Variants in CMYA5 observed in about 807,000 individuals in gnomAD.
The protein encoded by CMYA5 is cardiomyopathy-associated protein 5.
Under a neutral mutation model 318.9 loss-of-function variants are expected in CMYA5, and 246 were observed. The observed-to-expected ratio is 0.77, with a 90% CI of 0.70 to 0.86. The LOEUF is 0.86. CMYA5 is among the 40% of genes least tolerant of loss of function. The pLI is 0.00. For synonymous variants in CMYA5, 1,641 were observed against 1,729.5 expected, an observed-to-expected ratio of 0.95 and a Z score of 1.27; for missense variants, 4,589 against 4,678.2, an observed-to-expected ratio of 0.98 and a Z score of 0.56.
chr5:79,761,962 G>T lies in CMYA5; in HGVS notation c.11407+5G>T. 3.7e-6 allele frequency: 6 copies of T among 1,611,228 alleles called. No homozygotes were observed. The highest frequency in any genetic ancestry group is 5.1e-6 in the Non-Finnish European group (6 of 1,178,894). ...AAAGGGCCATCTTTAGGACAGGTAA[G>T]GAGATGGATGCTAAGGGTGCATTAG... On this transcript the variant is annotated splice_donor_5th_base_variant and intron_variant, in intron 8 of 12. Coordinates refer to ENST00000446378, the MANE Select transcript of CMYA5 (RefSeq NM_153610.5).
chr5:79,775,718 T>G (rs1828927151), intron 9 of CMYA5, among the ~76,000 whole-genome samples: 1 of 152,170 alleles, frequency 6.6e-6, no homozygotes, highest in Admixed American at 6.5e-5. Flanking sequence ...TAAGAGCAGT[T>G]TTACAAAAGC....
chr5:79,737,554 C>T lies in CMYA5; in HGVS notation c.8789C>T (p.Thr2930Ile), dbSNP rs762002729. The T allele has an allele frequency of 1.2e-6, 2 of 1,613,642 alleles. No individual in the cohort carries two copies. Among genetic ancestry groups the T allele is most frequent in the South Asian group, 1.1e-5 (1 of 91,020 alleles). The part of the protein sequence containing the change: ...TYAKGEDFTV[T>I]SKPAGLSEDQ... ...GCAAAAGGTGAAGACTTTACAGTGACTAGTAAGCCAGCCGGACTTTCAGAA... is the reference window on the plus strand; with the variant it reads ...GCAAAAGGTGAAGACTTTACAGTGATTAGTAAGCCAGCCGGACTTTCAGAA... The change falls in exon 2 of 13, where the codon ACT becomes ATT. Residue 2930 changes from threonine (T) to isoleucine (I), a missense_variant. Physicochemically the swap from Thr to Ile is moderately conservative, Grantham distance 89. Around this residue, in one of 3 missense-constraint regions of CMYA5, gnomAD observed 2,431 missense variants for 2,495.1 expected, o/e 0.97. Transcript: ENST00000446378.
intron 1 of CMYA5, among the ~76,000 whole-genome samples, chr5:79,722,701 T>C (rs1364577839): frequency 6.9e-6 from 1 of 145,610 alleles, no homozygotes; most frequent in Non-Finnish European, 1.5e-5. Flanking sequence ...AAAAAAAATC[T>C]ATCTGAAAAA....
chr5:79,768,864 T>C (rs1407433925), intron 9 of CMYA5, among the ~76,000 whole-genome samples: 1 of 152,326 alleles, frequency 6.6e-6, no homozygotes, highest in East Asian at 1.9e-4. Flanking sequence ...GGGGAAGTTC[T>C]CCTGGATAAT....
chr5:79,789,242 G>A, intron 10 of CMYA5, 138 bp downstream of exon 10: 1 of 956,546 alleles, frequency 1.0e-6, no homozygotes, highest in Non-Finnish European at 1.5e-6. Context: ...GAGGACCCAA[G>A]GTTGGTCAAA....
intron 9 of CMYA5, among the ~76,000 whole-genome samples, chr5:79,771,288 T>C (rs1278878867): frequency 2.0e-5 from 3 of 152,172 alleles, no homozygotes; most frequent in African/African-American, 7.2e-5. Flanking sequence ...TTACGTCACT[T>C]AGGGGAGTCC....
chr5:79,733,295 A>T lies in CMYA5; in HGVS notation c.4530A>T (p.Ser1510=). Residue 1510 remains serine, a synonymous_variant, in exon 2 of 13, where the codon TCA becomes TCT. Transcript: ENST00000446378. ...TCTGTGACTCTGAACGTTTGGTTTC[A>T]TCACAGAAGAAGAGCTTGATGTCTA... is the stretch of plus-strand genomic sequence containing the variant. ...STVCDSERLV[S]SQKKSLMSTS... The T allele has an allele frequency of 1.9e-6, 3 of 1,613,750 alleles. No homozygotes were observed. The highest frequency in any genetic ancestry group is 2.5e-6 in the Non-Finnish European group (3 of 1,179,826).
At chr5:79,693,908 G>A (rs1827019352) in intron 1 of CMYA5, among the ~76,000 whole-genome samples, 1 of 152,170 alleles carries the variant, frequency 6.6e-6, no homozygotes, top group Admixed American at 6.5e-5. Context: ...AGGATAAATG[G>A]GTGGGGTATA....
chr5:79,771,212 G>A (rs1038778474), intron 9 of CMYA5, among the ~76,000 whole-genome samples: 21 of 152,144 alleles, frequency 1.4e-4, no homozygotes, highest in East Asian at 1.9e-4. Flanking sequence ...TACTCAGCTC[G>A]TATTAGCAGT....
intron 9 of CMYA5, among the ~76,000 whole-genome samples, chr5:79,770,529 T>G (rs963536221): frequency 4.6e-5 from 7 of 152,174 alleles, no homozygotes; most frequent in Non-Finnish European, 8.8e-5. Context: ...TGGCTTCCCT[T>G]GGCTAAGGCA....
chr5:79,731,490 G>A lies in CMYA5; in HGVS notation c.2725G>A (p.Ala909Thr), dbSNP rs778450517. The change falls in exon 2 of 13, where the codon GCA becomes ACA. Residue 909 changes from alanine (A) to threonine (T), a missense_variant. This residue lies in a region of CMYA5 where 2,132 missense variants were observed against 2,131.3 expected (regional missense o/e 1.00). Transcript: ENST00000446378. ...TTCTGAATTTTCAGTACCACCATAT[G>A]CAACACCGGAGGCACAGGAGGAAGA... is the stretch of plus-strand genomic sequence containing the variant. ...SASEFSVPPYATPEAQEEEIV... is the reference protein window; with the variant it reads ...SASEFSVPPYTTPEAQEEEIV... 6.2e-7 allele frequency: 1 copy of A among 1,606,790 alleles called. No individual in the cohort carries two copies.
chr5:79,747,722 C>T (rs994789729), intron 5 of CMYA5, among the ~76,000 whole-genome samples: 13 of 152,216 alleles, frequency 8.5e-5, no homozygotes, highest in Non-Finnish European at 2.9e-5. Context: ...TTATGTTTAT[C>T]TTTCAGAGCA....
rs774123917 is a variant in CMYA5, at chr5:79,763,202, G to A, written c.11548G>A (p.Gly3850Ser). 5 of 1,602,248 alleles carry A rather than the reference G, an allele frequency of 3.1e-6. No homozygotes were observed. The highest frequency in any genetic ancestry group is 3.4e-6 in the Non-Finnish European group (4 of 1,175,484). ...CAGACAGCACTCTCCTGAGGGAGAG[G>A]GCCTCAGGTGAGGGGCCCTCTCCAT... The part of the protein sequence containing the change: ...YCRQHSPEGE[G>S]LRSFSGIKGL... The change falls in exon 9 of 13, where the codon GGC becomes AGC. Residue 3850 changes from glycine to serine, a missense_variant. By Grantham distance (56) the Gly-to-Ser change is moderately conservative. Around this residue, in one of 3 missense-constraint regions of CMYA5, gnomAD observed 2,431 missense variants for 2,495.1 expected, o/e 0.97. Coordinates refer to ENST00000446378, the MANE Select transcript of CMYA5 (RefSeq NM_153610.5).
At chr5:79,761,704 A>C (rs1299776412) in intron 7 of CMYA5, 107 bp from the exon 8 acceptor site, 1 of 1,179,274 alleles carries the variant, frequency 8.5e-7, no homozygotes, top group East Asian at 2.6e-5. Flanking sequence ...TAAGGTTATC[A>C]GTTTGCATTT....
chr5:79,762,770 CTT>C (rs1828676869), intron 8 of CMYA5: 1 of 309,878 alleles, frequency 3.2e-6, no homozygotes, highest in East Asian at 5.8e-5. Context: ...GGGAAAGAAT[CTT>C]TATTTTGATT....
At chr5:79,739,875 TG>T (rs1215224770) in intron 2 of CMYA5, among the ~76,000 whole-genome samples, 1 of 151,812 alleles carries the variant, frequency 6.6e-6, no homozygotes, top group Admixed American at 6.6e-5. Context: ...TTAAGTTACT[TG>T]GGGGGCTGAG....
intron 7 of CMYA5, 120 bp downstream of exon 7, chr5:79,759,022 C>G (rs1828593215): frequency 1.2e-6 from 1 of 863,422 alleles, no homozygotes; most frequent in Admixed American, 3.4e-5. Context: ...ATTTACAAAA[C>G]AACAACAAAA....
chr5:79,729,452 T>A lies in CMYA5; in HGVS notation c.687T>A (p.Ile229=). 1 of 1,612,482 alleles carries A rather than the reference T, an allele frequency of 6.2e-7. No homozygotes were observed. The change falls in exon 2 of 13, where the codon ATT becomes ATA. Residue 229 remains isoleucine, a synonymous_variant. Coordinates refer to ENST00000446378, the MANE Select transcript of CMYA5 (RefSeq NM_153610.5). ...ACATAGGAACAGTACAATATAAAAT[T>A]AAGATGTTTAATTCGGTTAAAGAAG... The part of the protein sequence containing the change: ...PVYIGTVQYK[I]KMFNSVKEEL...
intron 6 of CMYA5, among the ~76,000 whole-genome samples, chr5:79,754,517 G>A (rs1047645173): frequency 6.6e-6 from 1 of 152,192 alleles, no homozygotes; most frequent in African/African-American, 2.4e-5. Flanking sequence ...CGGTTGGGGT[G>A]TGTTTGGCAG....
Sources: allele counts gnomAD v4.1 joint callset (sites outside exome capture counted in the v4.1 genomes callset), GRCh38; gene constraint gnomAD v4.1.1; regional missense constraint gnomAD v4.1.1; transcripts MANE v1.5; gene names NCBI Gene and HGNC (gene_info 2026-07-23, HGNC 2026-07-21).